DERL1: variants seen among roughly 807,000 people sequenced by gnomAD.
DERL1 encodes the protein derlin 1.
Under a neutral mutation model 41.6 loss-of-function variants are expected in DERL1, and 24 were observed. The observed-to-expected ratio is 0.58, with a 90% confidence interval of 0.42 to 0.81. The LOEUF is 0.81. DERL1 is among the 30% of genes least tolerant of loss of function. DERL1 has a pLI of 0.00. For missense variants in DERL1, 260 were observed against 314.3 expected (o/e 0.83, Z 1.31); for synonymous variants, 124 against 112.5 (o/e 1.10, Z -0.65).
rs1812651909 is a variant in DERL1, at chr8:123,025,009, G to A, written c.307C>T (p.Leu103Phe). 2 of 1,613,476 alleles carry A rather than the reference G, an allele frequency of 1.2e-6. No homozygotes were observed. Among genetic ancestry groups the A allele is most frequent in the Non-Finnish European group, 8.5e-7 (1 of 1,179,838 alleles). ...ACCACGATGCAAATCCAGTTAAAGA[G>A]GAGCATGAATAAATAGTCTGCTGGC... ...GRPADYLFML[L>F]FNWICIVITG... Residue 103 changes from leucine (L) to phenylalanine (F), a missense_variant, in exon 3 of 8, where the codon CTC becomes TTC. Physicochemically the swap from Leu to Phe is conservative, Grantham distance 22 (BLOSUM62 0). Transcript: ENST00000259512.
At chr8:123,023,480 G>A (rs561392686) in intron 4 of DERL1, among the ~76,000 whole-genome samples, 15 of 152,192 alleles carry the variant, frequency 9.9e-5, no homozygotes, top group South Asian at 4.1e-4. Flanking sequence ...ACTTGAACCC[G>A]GGAGGCGGAG....
chr8:123,041,502 A>C (rs182754618), intron 1 of DERL1, among the ~76,000 whole-genome samples: 1 of 152,322 alleles, frequency 6.6e-6, no homozygotes, highest in Non-Finnish European at 1.5e-5. Flanking sequence ...TCTGACTTTA[A>C]ATCACTCCTA....
chr8:123,022,824 T>TA (rs1309246241), intron 4 of DERL1, 45 bp from the exon 5 acceptor site: 1 of 1,537,570 alleles, frequency 6.5e-7, no homozygotes. Context: ...CAGAGGCACT[T>TA]AAAAAAGGTG....
rs1443029296 is a variant in DERL1, at chr8:123,042,214, T to C, written c.-92A>G. ...CGGCCGGCTCCGCGACTGTTAGGTG[T>C]CTAGGTGGAAGCCGCCGAAGCCGCG... On this transcript the variant is annotated 5_prime_UTR_variant, in exon 1 of 8. Transcript: ENST00000259512. 11 of 1,421,470 alleles carry C rather than the reference T, an allele frequency of 7.7e-6. No homozygotes were observed. The East Asian group carries it at 2.7e-4, about 35-fold the overall frequency. 88.1% of individuals were successfully genotyped at this position (1,421,470 alleles called of 1,614,324 possible). A position where few individuals can be genotyped will look rare whatever the true frequency, so the allele number is the denominator to read the frequency against.
intron 2 of DERL1, among the ~76,000 whole-genome samples, chr8:123,029,914 G>T (rs3109761): frequency 5.3e-5 from 8 of 151,982 alleles, no homozygotes; most frequent in Non-Finnish European, 1.0e-4. Flanking sequence ...ATAAAAATTA[G>T]CCGGGTATGG....
chr8:123,030,144 A>G (rs911330224), intron 2 of DERL1: 9 of 152,942 alleles, frequency 5.9e-5, no homozygotes, highest in African/African-American at 2.2e-4. Context: ...TTGGCTATAT[A>G]CTGTATTTTA....
In DERL1 at chr8:123,042,142, A is replaced by C. The variant is rs763074888; in HGVS notation, c.-20T>G. ...CGACATCTTCGACCCACAGGTAGCC[A>C]AGATGCACAAGACCGCCCGACTCCC... On this transcript the variant is annotated 5_prime_UTR_variant, in exon 1 of 8. Transcript: ENST00000259512. The C allele has an allele frequency of 2.7e-5, 43 of 1,593,368 alleles. No individual in the cohort carries two copies. In the East Asian group the frequency reaches 9.3e-4, roughly 34 times the overall value.
intron 4 of DERL1, among the ~76,000 whole-genome samples, 159 bp downstream of exon 4, chr8:123,023,554 C>CATAAATAA (rs199697709): frequency 4.6e-5 from 7 of 151,768 alleles, no homozygotes; most frequent in African/African-American, 1.7e-4. Context: ...GACTCCATCT[C>CATAAATAA]ATAAATAAAT....
intron 6 of DERL1, among the ~76,000 whole-genome samples, chr8:123,019,605 T>C (rs1270326080): frequency 6.6e-6 from 1 of 152,056 alleles, no homozygotes; most frequent in African/African-American, 2.4e-5. Flanking sequence ...GCCTCAAGAG[T>C]TGGGGAAGTT....
intron 1 of DERL1, among the ~76,000 whole-genome samples, chr8:123,031,061 C>A (rs4871339): frequency 0.2 from 30,320 of 152,170 alleles, 3,049 homozygotes; most frequent in Admixed American, 0.21. Context: ...TAATTTCCAA[C>A]AGTACAGTAA....
At chr8:123,030,566 A>G in intron 2 of DERL1, 39 bp downstream of exon 2, 1 of 1,405,650 alleles carries the variant, frequency 7.1e-7, no homozygotes. Context: ...TTAGTAAATG[A>G]GAAAGAAACA....
intron 4 of DERL1, 47 bp from the exon 5 acceptor site, chr8:123,022,826 A>G (rs775833466): frequency 1.3e-6 from 2 of 1,524,046 alleles, no homozygotes; most frequent in African/African-American, 1.4e-5. Flanking sequence ...GAGGCACTTA[A>G]AAAAGGTGTA....
In DERL1 at chr8:123,042,211, G is replaced by C; in HGVS notation, c.-89C>G. The C allele has an allele frequency of 7.0e-7, 1 of 1,429,420 alleles. No homozygotes were observed. The highest frequency in any genetic ancestry group is 9.2e-7 in the Non-Finnish European group (1 of 1,088,374). The allele number at this position is 1,429,420 out of a possible 1,614,324, so 88.5% of individuals were successfully genotyped here. On this transcript the variant is annotated 5_prime_UTR_variant, in exon 1 of 8. Coordinates refer to ENST00000259512, the MANE Select transcript of DERL1 (RefSeq NM_024295.6). The stretch of plus-strand genomic sequence containing the variant: ...ACGCGGCCGGCTCCGCGACTGTTAG[G>C]TGTCTAGGTGGAAGCCGCCGAAGCC...
At chr8:123,023,770 A>G (rs1338127904) in intron 3 of DERL1, 31 bp from the exon 4 acceptor site, 3 of 1,609,094 alleles carry the variant, frequency 1.9e-6, no homozygotes, top group Non-Finnish European at 2.5e-6. Flanking sequence ...ATCAGACATA[A>G]AAAAGCATTC....
chr8:123,023,238 T>C (rs1028955323), intron 4 of DERL1, among the ~76,000 whole-genome samples: 8 of 152,148 alleles, frequency 5.3e-5, no homozygotes, highest in African/African-American at 1.9e-4. Context: ...TCTTCAAAGA[T>C]TTAGCTGACT....
Position 123,015,694 on chromosome 8 carries a change from T to G in DERL1, c.618-109A>C, listed in dbSNP as rs1404813729. 2.9e-6 allele frequency: 4 copies of G among 1,393,482 alleles called. No homozygotes were observed. In the African/African-American group the frequency reaches 5.8e-5, roughly 20 times the overall value. 86.3% of individuals were successfully genotyped at this position (1,393,482 alleles called of 1,614,324 possible). A position where few individuals can be genotyped will look rare whatever the true frequency, so the allele number is the denominator to read the frequency against. ...CCTCTCCTGCTGTTCCCATGGCACT[T>G]GTCATGTTGAAGGCAGCGAGGGACG... On this transcript the variant is annotated intron_variant, in intron 7 of 7. Transcript: ENST00000259512.
intron 7 of DERL1, 137 bp downstream of exon 7, chr8:123,019,058 G>C: frequency 1.4e-6 from 1 of 694,710 alleles, no homozygotes; most frequent in Non-Finnish European, 2.6e-6. Flanking sequence ...GTGTGACTAG[G>C]GTAAGTCACT....
At chr8:123,032,595 G>A (rs907021123) in intron 1 of DERL1, among the ~76,000 whole-genome samples, 5 of 152,080 alleles carry the variant, frequency 3.3e-5, no homozygotes, top group African/African-American at 9.7e-5. Context: ...AAGTCTTTTC[G>A]CTCCAAGAAT....
intron 7 of DERL1, chr8:123,016,378 G>A (rs968663178): frequency 1.2e-4 from 18 of 152,294 alleles, no homozygotes; most frequent in Admixed American, 1.2e-3. Context: ...AATTTTGCTT[G>A]AAGGCAGAGA....
Sources: gnomAD v4.1 joint callset for allele counts (sites outside exome capture counted in the v4.1 genomes callset) on GRCh38, gnomAD v4.1.1 for gene constraint, MANE v1.5 for transcripts, NCBI Gene and HGNC (gene_info 2026-07-23, HGNC 2026-07-21) for gene names.